Variants in NTRK2 observed in about 807,000 individuals in gnomAD.
The protein encoded by NTRK2 is BDNF/NT-3 growth factors receptor.
NTRK2 carries 13 observed loss-of-function variants against 94.5 expected under a neutral mutation model. That is an observed-to-expected ratio of 0.14 (90% confidence interval 0.09 to 0.22). The LOEUF (loss-of-function observed/expected upper bound fraction) is 0.22, where lower values mean the gene tolerates loss of function less well. Among genes scored for constraint, NTRK2 ranks in the 10% least tolerant of loss-of-function variants. The pLI is 1.00. For missense variants in NTRK2, 639 were observed against 1,071.2 expected (o/e 0.60, Z 5.63); for synonymous variants, 372 against 407.4 (o/e 0.91, Z 1.05).
At chr9:84,880,767 TAC>T (rs894234353) in intron 14 of NTRK2, among the ~76,000 whole-genome samples, 31 of 152,220 alleles carry the variant, frequency 2.0e-4, no homozygotes, top group African/African-American at 7.2e-4. Context: ...AGCACTTCTT[TAC>T]TGGGCTTGGT....
chr9:84,916,612 C>T (rs2077401057), intron 14 of NTRK2, among the ~76,000 whole-genome samples: 1 of 152,132 alleles, frequency 6.6e-6, no homozygotes, highest in Non-Finnish European at 1.5e-5. Context: ...GACTCCAGAT[C>T]CCATTAGGAG....
chr9:84,813,537 C>T lies in NTRK2; in HGVS notation c.1397-47503C>T, dbSNP rs1277219034. 4 of 1,065,124 alleles carry T rather than the reference C, an allele frequency of 3.8e-6. No individual in the cohort carries two copies. In the Admixed American group the frequency reaches 2.1e-4, roughly 57 times the overall value. 66.0% of individuals were successfully genotyped at this position (1,065,124 alleles called of 1,614,324 possible). On this transcript the variant is annotated intron_variant, in intron 12 of 18. Transcript: ENST00000277120. Reference sequence around the variant, plus strand: ...ACATTGCCATTGAGGGCTTTGTTACCACAAGCTAAGAAACTGAGTTTAACA... The same window carrying T: ...ACATTGCCATTGAGGGCTTTGTTACTACAAGCTAAGAAACTGAGTTTAACA...
chr9:84,991,264 T>C (rs1034063183), intron 17 of NTRK2, among the ~76,000 whole-genome samples: 4 of 152,212 alleles, frequency 2.6e-5, no homozygotes, highest in Non-Finnish European at 5.9e-5. Context: ...CTCTAATACA[T>C]TTTACTGAGT....
chr9:84,781,315 AT>A (rs1490738197), intron 12 of NTRK2, among the ~76,000 whole-genome samples: 1 of 152,132 alleles, frequency 6.6e-6, no homozygotes, highest in Non-Finnish European at 1.5e-5. Flanking sequence ...CACCTCTAAA[AT>A]TAATTTCTAC....
At chr9:84,940,389 CT>C (rs959200758) in intron 15 of NTRK2, among the ~76,000 whole-genome samples, 2 of 152,140 alleles carry the variant, frequency 1.3e-5, no homozygotes, top group African/African-American at 4.8e-5. Flanking sequence ...AGGGAATCTC[CT>C]TGGGACTCCC....
At chr9:85,017,384 T>C (rs1273225653) in intron 17 of NTRK2, among the ~76,000 whole-genome samples, 2 of 152,126 alleles carry the variant, frequency 1.3e-5, no homozygotes, top group Admixed American at 6.5e-5. Context: ...GTTACCCCAG[T>C]AGGAAACAGG....
chr9:84,997,599 C>A (rs1038172002), intron 17 of NTRK2, among the ~76,000 whole-genome samples: 2 of 152,036 alleles, frequency 1.3e-5, no homozygotes, highest in Non-Finnish European at 2.9e-5. Context: ...GGGTCAGCTC[C>A]CCTGGGGCAA....
chr9:84,695,072 A>AC, intron 2 of NTRK2, among the ~76,000 whole-genome samples: 14 of 144,948 alleles, frequency 9.7e-5, no homozygotes, highest in South Asian at 2.3e-4. Context: ...AAAAAAAAAA[A>AC]AACACACAAC....
chr9:84,720,085 A>G (rs1237340419), intron 6 of NTRK2, among the ~76,000 whole-genome samples: 1 of 151,920 alleles, frequency 6.6e-6, no homozygotes, highest in Non-Finnish European at 1.5e-5. Flanking sequence ...AAGCTGAAAA[A>G]GCAGATGGTT....
chr9:85,000,964 G>A (rs565990405), intron 17 of NTRK2, among the ~76,000 whole-genome samples: 245 of 152,344 alleles, frequency 1.6e-3, no homozygotes, highest in Non-Finnish European at 1.6e-3. Context: ...TCTAATAGGC[G>A]TGATAGGTGT....
intron 17 of NTRK2, among the ~76,000 whole-genome samples, chr9:84,995,436 A>G (rs76869488): frequency 1.3e-5 from 2 of 152,244 alleles, no homozygotes; most frequent in East Asian, 1.9e-4. Flanking sequence ...ACTTTGCCCA[A>G]TGAGACCCTA....
At chr9:84,882,097 A>G (rs2076270488) in intron 14 of NTRK2, among the ~76,000 whole-genome samples, 1 of 152,152 alleles carries the variant, frequency 6.6e-6, no homozygotes, top group Non-Finnish European at 1.5e-5. Flanking sequence ...AGTTGAACCT[A>G]GATACCCAAA....
chr9:84,719,122 A>T (rs899184178), intron 6 of NTRK2, among the ~76,000 whole-genome samples: 1 of 152,210 alleles, frequency 6.6e-6, no homozygotes, highest in African/African-American at 2.4e-5. Context: ...AGTGGTATTT[A>T]TGGTCCATGA....
intron 17 of NTRK2, among the ~76,000 whole-genome samples, chr9:84,956,142 G>A (rs1824095850): frequency 6.6e-6 from 1 of 152,188 alleles, no homozygotes; most frequent in South Asian, 2.1e-4. Flanking sequence ...TTTGAGATTT[G>A]AACAAAAGTG....
chr9:84,908,809 G>A (rs754664007), intron 14 of NTRK2, among the ~76,000 whole-genome samples: 6 of 152,040 alleles, frequency 3.9e-5, no homozygotes, highest in South Asian at 2.1e-4. Flanking sequence ...TCCTTTGTCC[G>A]TATTAAAAAC....
Position 85,011,550 on chromosome 9 carries a change from C to T in NTRK2, c.2173-8656C>T, listed in dbSNP as rs530363413. Among the ~76,000 whole-genome samples, 43 of 152,282 alleles carry T rather than the reference C, an allele frequency of 2.8e-4. No homozygotes were observed. The South Asian group carries it at 4.6e-3, about 16-fold the overall frequency. On this transcript the variant is annotated intron_variant, in intron 17 of 18. Transcript: ENST00000277120. ...GCATCTGAGAGCTCTCTCTCGCTCTCGCTCGCTGTGACTTCCCTCCATGTG... is the reference window on the plus strand; with the variant it reads ...GCATCTGAGAGCTCTCTCTCGCTCTTGCTCGCTGTGACTTCCCTCCATGTG...
In NTRK2 at chr9:84,707,806, A is replaced by G. The variant is rs200351060; in HGVS notation, c.360-38A>G. The G allele has an allele frequency of 4.8e-5, 73 of 1,507,724 alleles. No individual in the cohort carries two copies. In the African/African-American group the frequency reaches 9.2e-4, roughly 19 times the overall value. 93.4% of individuals were successfully genotyped at this position (1,507,724 alleles called of 1,614,324 possible). ...GAATACTGTGTTCCTAAAATGTAAC[A>G]TTTTAAATTCATGTTTAATGTTTTT... On this transcript the variant is annotated intron_variant, in intron 4 of 18. Transcript: ENST00000277120.
chr9:84,860,313 C>T (rs1265629325), intron 12 of NTRK2, among the ~76,000 whole-genome samples: 1 of 152,182 alleles, frequency 6.6e-6, no homozygotes, highest in Non-Finnish European at 1.5e-5. Context: ...TGGCTTTATT[C>T]ACGGGAGGCT....
intron 12 of NTRK2, among the ~76,000 whole-genome samples, chr9:84,771,654 A>T (rs889850299): frequency 6.6e-6 from 1 of 152,172 alleles, no homozygotes; most frequent in Non-Finnish European, 1.5e-5. Flanking sequence ...TCCTCCATCC[A>T]TCTGCCTGGT....
Sources: allele counts gnomAD v4.1 joint callset (sites outside exome capture counted in the v4.1 genomes callset), GRCh38; gene constraint gnomAD v4.1.1; transcripts MANE v1.5; gene names NCBI Gene and HGNC (gene_info 2026-07-23, HGNC 2026-07-21).